Variants in PSMD6 observed in about 807,000 individuals in gnomAD.
PSMD6 encodes 26S proteasome non-ATPase regulatory subunit 6.
PSMD6 carries 7 observed loss-of-function variants against 44.9 expected under a neutral mutation model. The observed-to-expected ratio is 0.16, with a 90% confidence interval of 0.09 to 0.29. PSMD6 has a LOEUF of 0.29. Ranked by LOEUF, PSMD6 falls within the 10% of genes least tolerant of loss-of-function variation. The pLI is 1.00. For synonymous variants in PSMD6, 184 were observed against 172.7 expected (o/e 1.07, Z -0.51); for missense variants, 420 against 482.6 (o/e 0.87, Z 1.21).
chr3:64,021,038 A>G (rs569574522), intron 2 of PSMD6, among the ~76,000 whole-genome samples: 1 of 152,296 alleles, frequency 6.6e-6, no homozygotes, highest in Non-Finnish European at 1.5e-5. Context: ...GCTGGCTGCT[A>G]TGCAGAACAA....
At chr3:64,013,908 ACTT>A (rs1352117343) in intron 5 of PSMD6, 9 of 246,166 alleles carry the variant, frequency 3.7e-5, no homozygotes, top group Non-Finnish European at 5.4e-5. Flanking sequence ...ACCACGGAGA[ACTT>A]CTTATGCCTT....
At chr3:64,018,785 CTTTAAA>C (rs1559676915) in intron 4 of PSMD6, 27 bp downstream of exon 4, 19 of 1,537,800 alleles carry the variant, frequency 1.2e-5, no homozygotes, top group Middle Eastern at 1.7e-4. Context: ...AAAAACAAGT[CTTTAAA>C]TTTGAGTATT....
At position 64,010,653 on chromosome 3, in the gene PSMD6, G is replaced by A; in HGVS notation, c.*15C>T. ...TAATTATCTCTAAAGCAAATCCTTTGTTAGTTACATGGCTTTACATATTAA... is the reference window on the plus strand; with the variant it reads ...TAATTATCTCTAAAGCAAATCCTTTATTAGTTACATGGCTTTACATATTAA... On this transcript the variant is annotated 3_prime_UTR_variant, in exon 8 of 8. Transcript: ENST00000295901. 1 of 1,533,520 alleles carries A rather than the reference G, an allele frequency of 6.5e-7. No homozygotes were observed. The highest frequency in any genetic ancestry group is 9.0e-7 in the Non-Finnish European group (1 of 1,116,008). 95.0% of individuals were successfully genotyped at this position (1,533,520 alleles called of 1,614,324 possible). A position where few individuals can be genotyped will look rare whatever the true frequency, so the allele number is the denominator to read the frequency against.
chr3:64,019,562 T>C (rs1156928513), intron 2 of PSMD6, 121 bp from the exon 3 acceptor site: 5 of 1,040,036 alleles, frequency 4.8e-6, no homozygotes, highest in South Asian at 1.7e-5. Context: ...TACAACAAGA[T>C]GGCCATTAAC....
chr3:64,023,653 C>G (rs1355874476), upstream of PSMD6: 54 of 1,451,266 alleles, frequency 3.7e-5, no homozygotes, highest in Non-Finnish European at 4.6e-5. Context: ...CTGCGGAGTC[C>G]CAGAGTGGGT....
chr3:64,015,536 A>ATGTT (rs750218260), intron 5 of PSMD6: 18 of 152,252 alleles, frequency 1.2e-4, no homozygotes, highest in Non-Finnish European at 2.4e-4. Context: ...GCTATTCTCA[A>ATGTT]TGTTAGTACA....
intron 1 of PSMD6, 65 bp from the exon 2 acceptor site, chr3:64,022,588 C>A: frequency 1.3e-6 from 2 of 1,576,500 alleles, no homozygotes; most frequent in Non-Finnish European, 1.7e-6. Context: ...AGTCTGCCCA[C>A]GTATTTCACC....
At chr3:64,013,290 G>C (rs912872244) in intron 6 of PSMD6, 149 bp downstream of exon 6, 1 of 708,040 alleles carries the variant, frequency 1.4e-6, no homozygotes, top group African/African-American at 1.8e-5. Context: ...AACAGGATAC[G>C]AATGTTTTGA....
At chr3:64,015,360 T>TTGGAG (rs2076026746) in intron 5 of PSMD6, 1 of 152,224 alleles carries the variant, frequency 6.6e-6, no homozygotes. Context: ...AGATAAATTG[T>TTGGAG]TGGAGTGTTC....
upstream of PSMD6, chr3:64,023,573 G>A: frequency 7.1e-7 from 1 of 1,415,102 alleles, no homozygotes; most frequent in South Asian, 1.6e-5. Context: ...ACACCTCCGG[G>A]AACGCCTCAC....
chr3:64,019,486 T>G, intron 2 of PSMD6, 45 bp from the exon 3 acceptor site: 1 of 1,570,882 alleles, frequency 6.4e-7, no homozygotes, highest in South Asian at 1.2e-5. Flanking sequence ...GCTACAAGTT[T>G]CCAAAAAAAG....
At chr3:64,018,480 C>A in intron 5 of PSMD6, 119 bp downstream of exon 5, 1 of 715,642 alleles carries the variant, frequency 1.4e-6, no homozygotes, top group Non-Finnish European at 2.3e-6. Flanking sequence ...TGATCAAAGA[C>A]ATGCAGCTAC....
At chr3:64,022,232 A>T in intron 2 of PSMD6, 86 bp downstream of exon 2, 2 of 1,443,944 alleles carry the variant, frequency 1.4e-6, no homozygotes, top group Non-Finnish European at 1.9e-6. Flanking sequence ...AACGAAGTTA[A>T]TTTTTTTAAT....
intron 4 of PSMD6, 37 bp downstream of exon 4, chr3:64,018,781 A>G: frequency 1.3e-6 from 2 of 1,532,434 alleles, no homozygotes; most frequent in Non-Finnish European, 1.8e-6. Context: ...CAAAAAAAAC[A>G]AGTCTTTAAA....
Position 64,019,045 on chromosome 3 carries a change from A to AT in PSMD6, c.498-9dup. 1 of 1,582,620 alleles carries AT rather than the reference A, an allele frequency of 6.3e-7. No homozygotes were observed. The highest frequency in any genetic ancestry group is 1.1e-5 in the South Asian group (1 of 90,296). ...CCTCCTTCTTCTATTAAGCTATGAAATAAAAACAGTAAGATCATAGTCTGG... is the reference window on the plus strand; with the variant it reads ...CCTCCTTCTTCTATTAAGCTATGAAATTAAAAACAGTAAGATCATAGTCTGG... On this transcript the variant is annotated splice_polypyrimidine_tract_variant and intron_variant, in intron 3 of 7. Transcript: ENST00000295901.
upstream of PSMD6, chr3:64,023,569 C>G: frequency 7.1e-7 from 1 of 1,416,296 alleles, no homozygotes; most frequent in East Asian, 2.7e-5. Context: ...CTGGACACCT[C>G]CGGGAACGCC....
chr3:64,022,845 A>T (rs535418491), intron 1 of PSMD6: 1 of 1,532,866 alleles, frequency 6.5e-7, no homozygotes, highest in Non-Finnish European at 8.7e-7. Flanking sequence ...ACTCACATAC[A>T]TATGTTCAAA....
chr3:64,022,717 G>C lies in PSMD6; in HGVS notation c.146-194C>G, dbSNP rs1000793693. 13 of 1,536,506 alleles carry C rather than the reference G, an allele frequency of 8.5e-6. No individual in the cohort carries two copies. The South Asian group carries it at 1.1e-4, about 13-fold the overall frequency. On this transcript the variant is annotated intron_variant, in intron 1 of 7. Coordinates refer to ENST00000295901, the MANE Select transcript of PSMD6 (RefSeq NM_014814.3). ...TATGCTGGTGGGAGGTTTGCGTGAC[G>C]GCCAATCCTGGCAATGCCAACCTCT...
At chr3:64,019,815 G>C (rs565138653) in intron 2 of PSMD6, 1 of 168,510 alleles carries the variant, frequency 5.9e-6, no homozygotes, top group African/African-American at 2.4e-5. Context: ...TTTGGAAATT[G>C]TATCTTAGTC....
Sources: allele counts gnomAD v4.1 joint callset (sites outside exome capture counted in the v4.1 genomes callset), GRCh38; gene constraint gnomAD v4.1.1; transcripts MANE v1.5; gene names NCBI Gene and HGNC (gene_info 2026-07-23, HGNC 2026-07-21).